The following TMEM235 variants were observed in gnomAD, a reference collection of about 807,000 sequenced individuals.
TMEM235 encodes transmembrane protein 235.
TMEM235 carries 23 observed loss-of-function variants against 22.9 expected under a neutral mutation model. The ratio of observed to expected loss-of-function variants is 1.00; its 90% CI spans 0.72 to 1.42. The LOEUF (loss-of-function observed/expected upper bound fraction) is 1.42, where lower values mean the gene tolerates loss of function less well. TMEM235 is among the 40% of genes most tolerant of loss of function. The pLI is 0.00. For missense variants in TMEM235, 308 were observed against 299.5 expected (o/e 1.03, Z -0.21); for synonymous variants, 137 against 140.5 (o/e 0.98, Z 0.17).
At position 78,240,000 on chromosome 17, in the gene TMEM235, C is replaced by A. The variant is rs998024439; in HGVS notation, c.*208C>A. On this transcript the variant is annotated 3_prime_UTR_variant, in exon 6 of 6. Transcript: ENST00000421688. The stretch of plus-strand genomic sequence containing the variant: ...GCGATCCAGATGTACCCCTCTGCCC[C>A]CTCCCTTGTTCTCAAGCCTGCTAGG... The A allele has an allele frequency of 7.2e-6, 11 of 1,537,658 alleles. No individual in the cohort carries two copies. The South Asian group carries it at 1.3e-4, about 19-fold the overall frequency.
chr17:78,239,020 C>T lies in TMEM235; in HGVS notation c.410-4C>T, dbSNP rs1204618105. The T allele has an allele frequency of 6.5e-7, 1 of 1,537,456 alleles. No homozygotes were observed. The highest frequency in any genetic ancestry group is 2.5e-5 in the East Asian group (1 of 40,776). On this transcript the variant is annotated splice_polypyrimidine_tract_variant and splice_region_variant and intron_variant, in intron 4 of 5. Transcript: ENST00000421688. ...AGCAGCTGCCCTCCCCATCTCTCCC[C>T]CAGGTGTCCTGACACTGGCGGGGGT...
At position 78,233,891 on chromosome 17, in the gene TMEM235, C is replaced by T; in HGVS notation, c.191-4C>T. ...CCCCAGGCTTCGAGGCCTATGTTTC[C>T]CAGGGCAGAACGGCTGCATCCCGCT... is the stretch of plus-strand genomic sequence containing the variant. On this transcript the variant is annotated splice_region_variant and splice_polypyrimidine_tract_variant and intron_variant, in intron 2 of 5. Transcript: ENST00000421688. 6.5e-7 allele frequency: 1 copy of T among 1,535,946 alleles called. No individual in the cohort carries two copies. Among genetic ancestry groups the T allele is most frequent in the Non-Finnish European group, 8.7e-7 (1 of 1,146,856 alleles).
chr17:78,233,814 C>T lies in TMEM235; in HGVS notation c.191-81C>T, dbSNP rs2076611080. ...AGAAGCTGGCAGGGCCCTGTGGTGC[C>T]AGGGGGTCCCCTGGGCTCGGGTAGG... On this transcript the variant is annotated intron_variant, in intron 2 of 5. Transcript: ENST00000421688. The T allele has an allele frequency of 3.7e-6, 5 of 1,339,742 alleles. No individual in the cohort carries two copies. In the Admixed American group the frequency reaches 1.1e-4, roughly 28 times the overall value. The allele number at this position is 1,339,742 out of a possible 1,614,324, so 83.0% of individuals were successfully genotyped here. A position where few individuals can be genotyped will look rare whatever the true frequency, so the allele number is the denominator to read the frequency against.
chr17:78,235,990 A>T (rs1467260458), intron 4 of TMEM235, among the ~76,000 whole-genome samples: 1 of 152,178 alleles, frequency 6.6e-6, no homozygotes, highest in Non-Finnish European at 1.5e-5. Flanking sequence ...TAACCCATTC[A>T]TGGGAAGCCA....
At chr17:78,234,310 G>A (rs2076618106) in intron 3 of TMEM235, 3 of 691,846 alleles carry the variant, frequency 4.3e-6, no homozygotes, top group Non-Finnish European at 7.9e-6. Flanking sequence ...TCTTCCAGAT[G>A]GCCTGCTGTC....
exon 2 of TMEM235, chr17:78,232,185 G>A: frequency 3.4e-6 from 5 of 1,489,822 alleles, no homozygotes; most frequent in Non-Finnish European, 3.6e-6. Context: ...TGCTCTCCTC[G>A]CACTCGGGGC....
chr17:78,232,657 A>G (rs1346048613), intron 2 of TMEM235, among the ~76,000 whole-genome samples: 1 of 151,882 alleles, frequency 6.6e-6, no homozygotes, highest in Non-Finnish European at 1.5e-5. Flanking sequence ...CCAAATGTGT[A>G]CAGAGGCTTC....
At position 78,239,234 on chromosome 17, in the gene TMEM235, C is replaced by A. The variant is rs1599048004; in HGVS notation, c.620C>A (p.Pro207Gln). 1.9e-6 allele frequency: 3 copies of A among 1,542,790 alleles called. No homozygotes were observed. The East Asian group carries it at 7.3e-5, about 38-fold the overall frequency. ...GCCTGGACCCTCAGCCTGAGCCCCCCAATCTGTGGTCATCTGAGTCCCCAG... is the reference window on the plus strand; with the variant it reads ...GCCTGGACCCTCAGCCTGAGCCCCCAAATCTGTGGTCATCTGAGTCCCCAG... The change falls in exon 5 of 6, where the codon CCA (proline) becomes CAA (glutamine). Residue 207 changes from proline (P) to glutamine (Q), a missense_variant. Physicochemically the swap from Pro to Gln is moderately conservative, Grantham distance 76 (BLOSUM62 -1). Transcript: ENST00000421688.
intron 2 of TMEM235, among the ~76,000 whole-genome samples, chr17:78,232,970 C>A (rs1426746049): frequency 1.3e-5 from 2 of 151,834 alleles, no homozygotes; most frequent in African/African-American, 4.9e-5. Flanking sequence ...TGTCAGTGTG[C>A]ATGTGTGTGC....
At chr17:78,239,963 G>A in exon 6 of TMEM235, 1 of 1,548,880 alleles carries the variant, frequency 6.5e-7, no homozygotes, top group East Asian at 2.4e-5. Flanking sequence ...GGGGTGGGGG[G>A]CAAGGAGCTG....
chr17:78,236,984 C>T lies in TMEM235; in HGVS notation c.410-2040C>T, dbSNP rs758810188. Among the ~76,000 whole-genome samples the T allele has an allele frequency of 1.4e-4, 21 of 152,306 alleles. No homozygotes were observed. The South Asian group carries it at 1.9e-3, about 14-fold the overall frequency. On this transcript the variant is annotated intron_variant, in intron 4 of 5. Transcript: ENST00000421688. ...AATTAAGAGGACCTTCGGGAGCCAG[C>T]GACTAGAGTGTAATTGGGTTGGGAT...
chr17:78,234,462 G>T, intron 3 of TMEM235, 131 bp from the exon 3 acceptor site: 1 of 1,351,498 alleles, frequency 7.4e-7, no homozygotes, highest in South Asian at 1.3e-5. Flanking sequence ...GGAGGGTCCA[G>T]TGGTGTCCAC....
rs2076663511 is a variant in TMEM235 at position 78,238,058 on chromosome 17, G to A, written c.410-966G>A. Among the ~76,000 whole-genome samples the A allele has an allele frequency of 6.6e-6, 1 of 151,596 alleles. No individual in the cohort carries two copies. The highest frequency in any genetic ancestry group is 6.6e-5 in the Admixed American group (1 of 15,194). ...CAGGAAGTGCCTGTGGGGAAATCAG[G>A]GCCACCTGCCCCCCTGGCTAACATT... is the stretch of plus-strand genomic sequence containing the variant. On this transcript the variant is annotated intron_variant, in intron 4 of 5. Transcript: ENST00000421688. The surrounding 1 kb of genome is among the most constrained non-coding windows in gnomAD (Gnocchi z 4.3).
rs562536808 is a variant in TMEM235, at chr17:78,239,453, A to G, written c.659+180A>G. Among the ~76,000 whole-genome samples the G allele has an allele frequency of 3.4e-4, 51 of 152,232 alleles. 1 individual carries two copies. In the South Asian group the frequency reaches 0.01, roughly 31 times the overall value. On this transcript the variant is annotated intron_variant, in intron 5 of 5. Coordinates refer to ENST00000421688, the Ensembl canonical transcript of TMEM235. Reference sequence around the variant, plus strand: ...TCCAGCTCCTCATGTTTCTCTGTAGATATTTGGGGAGGCTCCCCTGCCCCG... The same window carrying G: ...TCCAGCTCCTCATGTTTCTCTGTAGGTATTTGGGGAGGCTCCCCTGCCCCG...
exon 2 of TMEM235, chr17:78,231,763 C>T (rs1204987792): frequency 1.6e-6 from 2 of 1,224,334 alleles, no homozygotes; most frequent in Non-Finnish European, 2.1e-6. Context: ...AGCCCAAGCC[C>T]CAGGTTCGCC....
chr17:78,231,912 G>A, exon 2 of TMEM235: 3 of 991,960 alleles, frequency 3.0e-6, no homozygotes, highest in Non-Finnish European at 3.6e-6. Flanking sequence ...CAGAAGAGCC[G>A]GGCGCCGCCG....
intron 2 of TMEM235, among the ~76,000 whole-genome samples, chr17:78,233,551 C>G (rs934243542): frequency 1.3e-5 from 2 of 152,058 alleles, no homozygotes; most frequent in African/African-American, 2.4e-5. Context: ...AAAAATTAGC[C>G]GGGCACGGTG....
rs775206176 is a variant in TMEM235, at chr17:78,238,477, G to A, written c.410-547G>A. Among the ~76,000 whole-genome samples, 1 of 152,064 alleles carries A rather than the reference G, an allele frequency of 6.6e-6. No homozygotes were observed. Among genetic ancestry groups the A allele is most frequent in the African/African-American group, 2.4e-5 (1 of 41,406 alleles). On this transcript the variant is annotated intron_variant, in intron 4 of 5. Coordinates refer to ENST00000421688, the Ensembl canonical transcript of TMEM235. This position sits in a 1 kb window ranked among gnomAD's most constrained non-coding sequence, Gnocchi z 4.3. The stretch of plus-strand genomic sequence containing the variant: ...GAGGGCAAAGGTGTGAGGAAGAGGA[G>A]GCGGGGGTGCAGGGCAGGGACTCAC...
In TMEM235 at chr17:78,238,804, T is replaced by C. The variant is rs917772816; in HGVS notation, c.410-220T>C. 6.6e-6 allele frequency among the ~76,000 whole-genome samples: 1 copy of C among 151,994 alleles called. No individual in the cohort carries two copies. Among genetic ancestry groups the C allele is most frequent in the Non-Finnish European group, 1.5e-5 (1 of 67,974 alleles). On this transcript the variant is annotated intron_variant, in intron 4 of 5. Transcript: ENST00000421688. The surrounding 1 kb of genome is among the most constrained non-coding windows in gnomAD (Gnocchi z 4.3). ...ACTCCGCCAAATGCAGTTGACTACC[T>C]TTAGCCCTGTCCAACCCCAAGCAGG...
Sources: allele counts gnomAD v4.1 joint callset (sites outside exome capture counted in the v4.1 genomes callset), GRCh38; gene constraint gnomAD v4.1.1; non-coding constraint Gnocchi (gnomAD v3.1); transcripts MANE v1.5; gene names NCBI Gene and HGNC (gene_info 2026-07-23, HGNC 2026-07-21).